PDE8B: variants seen among roughly 807,000 people sequenced by gnomAD.
PDE8B encodes the protein phosphodiesterase 8B.
A neutral mutation model predicts 101.3 loss-of-function variants in PDE8B; 26 were observed. The ratio of observed to expected loss-of-function variants is 0.26; its 90% CI spans 0.19 to 0.36. The LOEUF (loss-of-function observed/expected upper bound fraction) is 0.36. Among genes scored for constraint, PDE8B ranks in the 10% least tolerant of loss-of-function variants. The pLI is 1.00. For synonymous variants in PDE8B, 424 were observed against 429.3 expected, an observed-to-expected ratio of 0.99 and a Z score of 0.15; for missense variants, 810 against 1,163.1, an observed-to-expected ratio of 0.70 and a Z score of 4.42.
chr5:77,152,994 A>T, the PDE8B span, among the ~76,000 whole-genome samples: 2 of 152,184 alleles, frequency 1.3e-5, no homozygotes, highest in Non-Finnish European at 2.9e-5. Context: ...ACCAGAGGTG[A>T]TTCCCCTCCC....
At chr5:77,370,513 CTGTTCTATTGCA>C (rs1784902165) in intron 10 of PDE8B, among the ~76,000 whole-genome samples, 1 of 152,166 alleles carries the variant, frequency 6.6e-6, no homozygotes, top group Non-Finnish European at 1.5e-5. Flanking sequence ...CTGCTGAGCA[CTGTTCTATTGCA>C]TGGATATACC....
At chr5:77,417,151 G>A (rs779714657) in intron 17 of PDE8B, among the ~76,000 whole-genome samples, 2 of 152,110 alleles carry the variant, frequency 1.3e-5, no homozygotes, top group Admixed American at 6.5e-5. Context: ...AATGCAGTTC[G>A]TCAGTTGCAC....
At chr5:77,286,597 G>T (rs549501026) in intron 1 of PDE8B, among the ~76,000 whole-genome samples, 13 of 152,110 alleles carry the variant, frequency 8.5e-5, no homozygotes, top group Non-Finnish European at 1.6e-4. Context: ...TGTGTGTTTT[G>T]TTAAAGTGTG....
chr5:77,118,180 A>G, the PDE8B span: 8 of 378,566 alleles, frequency 2.1e-5, no homozygotes, highest in Non-Finnish European at 3.7e-5. Flanking sequence ...CTGCTGATCT[A>G]AAGTGATCCT....
At chr5:77,298,604 C>G (rs1019262038) in intron 1 of PDE8B, among the ~76,000 whole-genome samples, 1 of 152,180 alleles carries the variant, frequency 6.6e-6, no homozygotes, top group Non-Finnish European at 1.5e-5. Context: ...TAGAAAGAGG[C>G]TGGACTTACA....
chr5:77,425,951 T>C, intron 21 of PDE8B, 55 bp downstream of exon 21: 1 of 1,534,192 alleles, frequency 6.5e-7, no homozygotes, highest in Non-Finnish European at 9.0e-7. Context: ...TTACGAATAT[T>C]ATCTTTAGTG....
At chr5:77,255,301 A>T (rs1758877305) in intron 1 of PDE8B, among the ~76,000 whole-genome samples, 1 of 152,118 alleles carries the variant, frequency 6.6e-6, no homozygotes, top group Non-Finnish European at 1.5e-5. Flanking sequence ...ATTGAAGTTT[A>T]GAGTATATTT....
At chr5:77,298,914 C>T (rs1769229026) in intron 1 of PDE8B, among the ~76,000 whole-genome samples, 1 of 152,190 alleles carries the variant, frequency 6.6e-6, no homozygotes, top group South Asian at 2.1e-4. Context: ...CATTCTTTAG[C>T]TTAAAAATTC....
chr5:77,108,103 G>A, the PDE8B span, among the ~76,000 whole-genome samples: 4 of 152,124 alleles, frequency 2.6e-5, no homozygotes, highest in African/African-American at 7.2e-5. Flanking sequence ...TATAGCACTG[G>A]GATTGCAAAG....
intron 1 of PDE8B, among the ~76,000 whole-genome samples, chr5:77,224,665 C>A (rs1751928770): frequency 6.6e-6 from 1 of 152,208 alleles, no homozygotes; most frequent in Non-Finnish European, 1.5e-5. Context: ...GTTTCCCTAT[C>A]TCATAAACAT....
At chr5:77,332,294 A>G (rs868790266) in intron 5 of PDE8B, among the ~76,000 whole-genome samples, 24 of 152,332 alleles carry the variant, frequency 1.6e-4, no homozygotes, top group Middle Eastern at 6.8e-3. Context: ...TATTACTCCT[A>G]TGTAAAAAGT....
intron 10 of PDE8B, among the ~76,000 whole-genome samples, chr5:77,373,277 TC>T (rs1237875315): frequency 6.6e-6 from 1 of 152,178 alleles, no homozygotes; most frequent in African/African-American, 2.4e-5. Context: ...GCTCCTTTTT[TC>T]TAGCTTCTTA....
intron 14 of PDE8B, chr5:77,410,744 T>C (rs1395253192): frequency 6.6e-6 from 1 of 152,226 alleles, no homozygotes; most frequent in African/African-American, 2.4e-5. Context: ...AGATCCAACA[T>C]GTAACTTCAG....
the PDE8B span, among the ~76,000 whole-genome samples, chr5:77,161,454 A>C: frequency 9.9e-5 from 15 of 152,072 alleles, no homozygotes; most frequent in Admixed American, 2.0e-4. Flanking sequence ...TTATCCATTC[A>C]CCTATTGATG....
chr5:77,213,696 T>C lies in PDE8B; in HGVS notation c.339+2432T>C, dbSNP rs547051117. The stretch of plus-strand genomic sequence containing the variant: ...TGGTCCTGTTTACAGTGGTGGAAGG[T>C]TGTAATAGTTTCCACCCCCTCCCCC... On this transcript the variant is annotated intron_variant, in intron 1 of 21. Coordinates refer to ENST00000264917, the MANE Select transcript of PDE8B (RefSeq NM_003719.5). Among the ~76,000 whole-genome samples, 457 of 152,170 alleles carry C rather than the reference T, an allele frequency of 3.0e-3. 6 individuals carry two copies. The highest frequency in any genetic ancestry group is 0.011 in the African/African-American group (439 of 41,516).
chr5:77,358,987 G>C (rs1048300482), intron 10 of PDE8B, among the ~76,000 whole-genome samples: 19 of 152,152 alleles, frequency 1.2e-4, no homozygotes, highest in Admixed American at 1.1e-3. Context: ...TTAAAGAAAG[G>C]CCTCTGATAT....
At chr5:77,329,918 A>G (rs891748342) in intron 4 of PDE8B, among the ~76,000 whole-genome samples, 12 of 152,152 alleles carry the variant, frequency 7.9e-5, no homozygotes, top group African/African-American at 2.9e-4. Context: ...ACAGGAAATC[A>G]TGGCTGCAAA....
At chr5:77,379,242 A>G (rs1026529105) in intron 10 of PDE8B, among the ~76,000 whole-genome samples, 2 of 152,258 alleles carry the variant, frequency 1.3e-5, no homozygotes, top group Non-Finnish European at 2.9e-5. Flanking sequence ...AAAATTTTTC[A>G]AAGAAAATAT....
intron 2 of PDE8B, among the ~76,000 whole-genome samples, chr5:77,320,103 C>T (rs1166371528): frequency 1.3e-5 from 2 of 151,820 alleles, no homozygotes; most frequent in Non-Finnish European, 2.9e-5. Context: ...TAATTTTTAC[C>T]ATTATTTATT....
Sources: allele counts gnomAD v4.1 joint callset (sites outside exome capture counted in the v4.1 genomes callset), GRCh38; gene constraint gnomAD v4.1.1; transcripts MANE v1.5; gene names NCBI Gene and HGNC (gene_info 2026-07-23, HGNC 2026-07-21).